Variants in SLC36A1 observed in about 807,000 individuals in gnomAD.
The protein encoded by SLC36A1 is proton-coupled amino acid transporter 1.
Under a neutral mutation model 47.5 loss-of-function variants are expected in SLC36A1, and 30 were observed. The observed-to-expected ratio is 0.63, with a 90% confidence interval of 0.47 to 0.86. The LOEUF is 0.86. Among genes scored for constraint, SLC36A1 ranks in the 40% least tolerant of loss-of-function variants. The pLI, the probability that SLC36A1 is intolerant of heterozygous loss-of-function variation, is 0.00. For missense variants in SLC36A1, 517 were observed against 606.0 expected (o/e 0.85, Z 1.54); for synonymous variants, 255 against 249.7 (o/e 1.02, Z -0.20).
At chr5:151,497,850 G>C in the SLC36A1 span, among the ~76,000 whole-genome samples, 1 of 152,056 alleles carries the variant, frequency 6.6e-6, no homozygotes, top group Non-Finnish European at 1.5e-5. Context: ...GCTGGAGTGG[G>C]GGATGGGGTG....
the SLC36A1 span, among the ~76,000 whole-genome samples, chr5:151,386,310 C>G: frequency 2.0e-5 from 3 of 152,196 alleles, no homozygotes; most frequent in Non-Finnish European, 4.4e-5. Context: ...GGAATAAGCA[C>G]TACTGAGTGA....
chr5:151,351,174 T>C, the SLC36A1 span, among the ~76,000 whole-genome samples: 2 of 152,034 alleles, frequency 1.3e-5, no homozygotes, highest in African/African-American at 4.8e-5. Context: ...GGAGGGAACT[T>C]ACAAGGTCAT....
intron 1 of SLC36A1, among the ~76,000 whole-genome samples, chr5:151,448,427 C>T (rs1182897494): frequency 2.6e-5 from 4 of 152,184 alleles, no homozygotes; most frequent in East Asian, 1.9e-4. Context: ...GCATTTTCCA[C>T]CGCTGGGGTT....
the SLC36A1 span, chr5:151,543,469 A>G: frequency 1.9e-6 from 3 of 1,614,142 alleles, no homozygotes; most frequent in East Asian, 2.2e-5. Flanking sequence ...CTTAATAGCA[A>G]TGACTCTCTC....
chr5:151,463,751 T>TA (rs1194735168), intron 3 of SLC36A1, 108 bp downstream of exon 3: 5 of 858,546 alleles, frequency 5.8e-6, no homozygotes, highest in Non-Finnish European at 9.4e-6. Flanking sequence ...AGAAGCATTT[T>TA]AAAAAAATCA....
At chr5:151,345,395 C>G in the SLC36A1 span, among the ~76,000 whole-genome samples, 1 of 152,102 alleles carries the variant, frequency 6.6e-6, no homozygotes, top group South Asian at 2.1e-4. Flanking sequence ...CTTTGTTGAC[C>G]CTCTGTAAAT....
At position 151,491,340 on chromosome 5, in the gene SLC36A1, T is replaced by C. The variant is rs1760098240; in HGVS notation, c.*3086T>C. 1 of 152,666 alleles carries C rather than the reference T, an allele frequency of 6.6e-6. No homozygotes were observed. Among genetic ancestry groups the C allele is most frequent in the African/African-American group, 2.4e-5 (1 of 41,452 alleles). The allele number at this position is 152,666 out of a possible 1,614,324, so 9.5% of individuals were successfully genotyped here. A position where few individuals can be genotyped will look rare whatever the true frequency, so the allele number is the denominator to read the frequency against. On this transcript the variant is annotated 3_prime_UTR_variant, in exon 11 of 11. Coordinates refer to ENST00000243389, the MANE Select transcript of SLC36A1 (RefSeq NM_078483.4). ...AGCCCTGGCTAGATATGTGTGAATG[T>C]GTGGCATCATTTCACTTCAGCCGCC...
intron 2 of SLC36A1, 81 bp downstream of exon 2, chr5:151,459,016 T>A: frequency 2.8e-6 from 4 of 1,446,240 alleles, no homozygotes; most frequent in Non-Finnish European, 2.8e-6. Context: ...CCCCCCAATT[T>A]CATCAGTCCT....
intron 2 of SLC36A1, 99 bp from the exon 3 acceptor site, chr5:151,463,454 T>C: frequency 1.1e-6 from 1 of 880,252 alleles, no homozygotes; most frequent in Non-Finnish European, 1.9e-6. Flanking sequence ...TCTTACAGGG[T>C]TGTTGTGGAA....
chr5:151,430,372 A>G, the SLC36A1 span, among the ~76,000 whole-genome samples: 1 of 137,244 alleles, frequency 7.3e-6, no homozygotes, highest in East Asian at 2.2e-4. Context: ...TCAGTCACCC[A>G]GGCTGCAGTA....
chr5:151,397,849 G>A, the SLC36A1 span, among the ~76,000 whole-genome samples: 2 of 152,028 alleles, frequency 1.3e-5, no homozygotes, highest in Admixed American at 6.6e-5. Flanking sequence ...GGGCACAGTG[G>A]TTCATGTCTA....
chr5:151,453,184 A>G (rs1236755639), intron 1 of SLC36A1, among the ~76,000 whole-genome samples: 1 of 152,158 alleles, frequency 6.6e-6, no homozygotes, highest in African/African-American at 2.4e-5. Context: ...AGCCTGGGCA[A>G]CAAGAATGAA....
At chr5:151,474,128 C>T (rs867471436) in intron 8 of SLC36A1, among the ~76,000 whole-genome samples, 12 of 136,208 alleles carry the variant, frequency 8.8e-5, no homozygotes, top group Admixed American at 1.5e-4. Flanking sequence ...CCACTGCACT[C>T]CAGCCTGGGT....
chr5:151,546,059 C>T, the SLC36A1 span: 20 of 1,614,184 alleles, frequency 1.2e-5, no homozygotes, highest in South Asian at 2.0e-4. Context: ...TCATAGGTAA[C>T]TTCAGAGGGG....
At chr5:151,536,722 T>C in the SLC36A1 span, among the ~76,000 whole-genome samples, 3 of 152,228 alleles carry the variant, frequency 2.0e-5, no homozygotes, top group South Asian at 6.2e-4. Flanking sequence ...TTCCATATGC[T>C]TTCTCACCTG....
chr5:151,547,940 G>T, the SLC36A1 span, among the ~76,000 whole-genome samples: 1 of 152,162 alleles, frequency 6.6e-6, no homozygotes, highest in Non-Finnish European at 1.5e-5. Flanking sequence ...AAATGAGCAT[G>T]TGTTACTTCT....
the SLC36A1 span, chr5:151,506,129 A>G: frequency 6.7e-7 from 1 of 1,489,932 alleles, no homozygotes; most frequent in South Asian, 1.4e-5. Flanking sequence ...GGGTGAGCTC[A>G]TTTTCTCCCC....
chr5:151,532,857 CAA>C, the SLC36A1 span, among the ~76,000 whole-genome samples: 1 of 152,188 alleles, frequency 6.6e-6, no homozygotes, highest in African/African-American at 2.4e-5. Context: ...ACGTGGAACA[CAA>C]ACTTCTCTGG....
the SLC36A1 span, chr5:151,529,080 T>G: frequency 9.7e-7 from 1 of 1,034,568 alleles, no homozygotes; most frequent in Admixed American, 1.9e-5. Context: ...ATTAACTTAA[T>G]AAACTAATCC....
Sources: gnomAD v4.1 joint callset for allele counts (sites outside exome capture counted in the v4.1 genomes callset) on GRCh38, gnomAD v4.1.1 for gene constraint, MANE v1.5 for transcripts, NCBI Gene and HGNC (gene_info 2026-07-23, HGNC 2026-07-21) for gene names.